The following POLA2 variants were observed in gnomAD, a reference collection of about 807,000 sequenced individuals.
POLA2 encodes the protein DNA polymerase alpha 2, accessory subunit.
In POLA2, 47 loss-of-function variants were observed where a neutral mutation model predicts 82.8. The observed-to-expected ratio is 0.57, with a 90% CI of 0.45 to 0.72. The LOEUF is 0.72. Among genes scored for constraint, POLA2 ranks in the 30% least tolerant of loss-of-function variants. The probability of loss-of-function intolerance (pLI) is 0.00; values close to 1 mark genes in which losing one functional copy is unlikely to be tolerated. For missense variants in POLA2, 634 were observed against 728.1 expected (o/e 0.87, Z 1.49); for synonymous variants, 287 against 286.8 (o/e 1.00, Z -0.01).
At chr11:65,304,045 G>T (rs903870819) in intron 8 of POLA2, among the ~76,000 whole-genome samples, 1 of 152,182 alleles carries the variant, frequency 6.6e-6, no homozygotes, top group East Asian at 1.9e-4. Flanking sequence ...GGGCAGAGGT[G>T]CCTGGAGTTG....
chr11:65,264,111 A>C (rs1465034592), intron 1 of POLA2, among the ~76,000 whole-genome samples: 3 of 152,114 alleles, frequency 2.0e-5, no homozygotes, highest in African/African-American at 7.2e-5. Context: ...CTCATTGCCC[A>C]GGCTGGAGTG....
chr11:65,290,430 G>A (rs1949743037), intron 13 of POLA2, among the ~76,000 whole-genome samples: 2 of 151,982 alleles, frequency 1.3e-5, no homozygotes, highest in Non-Finnish European at 2.9e-5. Flanking sequence ...CAACTACTGC[G>A]GAGGCTGAGG....
chr11:65,282,343 C>T, intron 9 of POLA2, 136 bp from the exon 10 acceptor site: 1 of 716,752 alleles, frequency 1.4e-6, no homozygotes. Context: ...GAGGCACATC[C>T]TTCCCCTGCC....
chr11:65,295,728 C>T lies in POLA2; in HGVS notation c.1520+129C>T, dbSNP rs537392679. Reference sequence around the variant, plus strand: ...ACTTTACCCTGTGATGACAAGCCTGCATTCTGCCCCACACACACAGAGAAA... The same window carrying T: ...ACTTTACCCTGTGATGACAAGCCTGTATTCTGCCCCACACACACAGAGAAA... On this transcript the variant is annotated intron_variant, in intron 16 of 17. Coordinates refer to ENST00000265465, the MANE Select transcript of POLA2 (RefSeq NM_002689.4). 1.3e-5 allele frequency: 17 copies of T among 1,305,262 alleles called. No individual in the cohort carries two copies. In the South Asian group the frequency reaches 1.9e-4, roughly 15 times the overall value. The allele number at this position is 1,305,262 out of a possible 1,614,324, so 80.9% of individuals were successfully genotyped here.
At chr11:65,301,539 C>T (rs1949859553), downstream of POLA2, among the ~76,000 whole-genome samples, 2 of 152,012 alleles carry the variant, frequency 1.3e-5, no homozygotes, top group East Asian at 1.9e-4. Flanking sequence ...GAGACATGGG[C>T]GTTGGAGGGG....
intron 13 of POLA2, among the ~76,000 whole-genome samples, chr11:65,290,867 C>G (rs1361932983): frequency 2.0e-5 from 3 of 152,246 alleles, no homozygotes; most frequent in Non-Finnish European, 2.9e-5. Flanking sequence ...GCCCAAGTTC[C>G]TCCCAAGTCA....
Position 65,266,800 on chromosome 11 carries a change from C to A in POLA2, c.204+94C>A. 3.8e-6 allele frequency: 5 copies of A among 1,328,724 alleles called. No homozygotes were observed. In the East Asian group the frequency reaches 7.2e-5, roughly 19 times the overall value. The allele number at this position is 1,328,724 out of a possible 1,614,324, so 82.3% of individuals were successfully genotyped here. A position where few individuals can be genotyped will look rare whatever the true frequency, so the allele number is the denominator to read the frequency against. On this transcript the variant is annotated intron_variant, in intron 2 of 17. Transcript: ENST00000265465. ...ATATATTGAGAGGAGTGTGGGCTTTCGAGTCAGGCCTGGATTCCAGTCCCA... is the reference window on the plus strand; with the variant it reads ...ATATATTGAGAGGAGTGTGGGCTTTAGAGTCAGGCCTGGATTCCAGTCCCA...
chr11:65,290,022 G>A (rs889763818), intron 13 of POLA2, 150 bp downstream of exon 13: 4 of 574,096 alleles, frequency 7.0e-6, no homozygotes, highest in Non-Finnish European at 9.4e-6. Context: ...GCCGAGGCGG[G>A]CACATCACCT....
intron 1 of POLA2, among the ~76,000 whole-genome samples, chr11:65,263,588 G>A (rs1949424990): frequency 6.6e-6 from 1 of 152,150 alleles, no homozygotes; most frequent in Non-Finnish European, 1.5e-5. Context: ...AGCATTTTGG[G>A]AGGCCAAGGC....
At chr11:65,270,076 C>T (rs1949506546) in intron 4 of POLA2, among the ~76,000 whole-genome samples, 1 of 152,238 alleles carries the variant, frequency 6.6e-6, no homozygotes, top group Non-Finnish European at 1.5e-5. Context: ...CGGTGATCCA[C>T]CTGCCTCGGC....
intron 4 of POLA2, among the ~76,000 whole-genome samples, chr11:65,273,103 T>TG (rs1949539645): frequency 6.6e-6 from 1 of 151,724 alleles, no homozygotes; most frequent in South Asian, 2.1e-4. Flanking sequence ...ATGGATCACC[T>TG]GAGGTCAGGA....
At chr11:65,276,026 A>G (rs41545914) in intron 5 of POLA2, 28 bp downstream of exon 5, 2 of 1,379,726 alleles carry the variant, frequency 1.4e-6, no homozygotes, top group Admixed American at 2.0e-5. Context: ...TTCAAGTGCC[A>G]TAAAGCTGGC....
intron 4 of POLA2, among the ~76,000 whole-genome samples, chr11:65,273,274 C>T (rs1279217453): frequency 6.6e-6 from 1 of 152,112 alleles, no homozygotes; most frequent in African/African-American, 2.4e-5. Context: ...GAGCTGAGAT[C>T]ATGCCACTGC....
At chr11:65,266,813 GAT>G in intron 2 of POLA2, 107 bp downstream of exon 2, 1 of 1,160,536 alleles carries the variant, frequency 8.6e-7, no homozygotes, top group East Asian at 2.5e-5. Context: ...GTCAGGCCTG[GAT>G]TCCAGTCCCA....
rs767001168 is a variant in POLA2 at position 65,295,819 on chromosome 11, G to GC, written c.1521-39dup. 6 of 1,589,596 alleles carry GC rather than the reference G, an allele frequency of 3.8e-6. No homozygotes were observed. The Admixed American group carries it at 6.8e-5, about 18-fold the overall frequency. ...TAGGGGGACTCTGTCTGAGAAGGGG[G>GC]CCCCCCGGTCAGCTAGTGCTGACAA... On this transcript the variant is annotated intron_variant, in intron 16 of 17. Coordinates refer to ENST00000265465, the MANE Select transcript of POLA2 (RefSeq NM_002689.4).
intron 1 of POLA2, among the ~76,000 whole-genome samples, chr11:65,264,161 G>A (rs1014242682): frequency 2.0e-5 from 3 of 152,020 alleles, no homozygotes; most frequent in Admixed American, 6.6e-5. Flanking sequence ...TCTGCCTCCC[G>A]AGTTCAAGCG....
intron 1 of POLA2, among the ~76,000 whole-genome samples, chr11:65,264,393 CA>C (rs1949435477): frequency 6.6e-6 from 1 of 151,996 alleles, no homozygotes; most frequent in South Asian, 2.1e-4. Context: ...TCAGTAGAGA[CA>C]AGGTTTCACC....
In POLA2 at chr11:65,287,786, C is replaced by A; in HGVS notation, c.1077C>A (p.Pro359=). The A allele has an allele frequency of 6.2e-7, 1 of 1,613,902 alleles. No individual in the cohort carries two copies. The highest frequency in any genetic ancestry group is 8.5e-7 in the Non-Finnish European group (1 of 1,179,940). ...CATCTGACAGCATCACGTATGACCC[C>A]CTGCTTGACCTGATTGCTGTCATCA... ...YTTSDSITYD[P]LLDLIAVINH... Residue 359 remains proline, a synonymous_variant, in exon 11 of 18, where the codon CCC becomes CCA. Transcript: ENST00000265465.
At chr11:65,300,007 A>T (rs1005461609), downstream of POLA2, among the ~76,000 whole-genome samples, 1 of 152,038 alleles carries the variant, frequency 6.6e-6, no homozygotes, top group South Asian at 2.1e-4. Flanking sequence ...TGTATGATTC[A>T]GTGGTTTTTA....
Sources: allele counts gnomAD v4.1 joint callset (sites outside exome capture counted in the v4.1 genomes callset), GRCh38; gene constraint gnomAD v4.1.1; transcripts MANE v1.5; gene names NCBI Gene and HGNC (gene_info 2026-07-23, HGNC 2026-07-21).